Variants in PARD3B observed in about 807,000 individuals in gnomAD.
PARD3B encodes the protein par-3 family cell polarity regulator beta, also known as partitioning defective 3 homolog B.
Under a neutral mutation model 130.2 loss-of-function variants are expected in PARD3B, and 103 were observed. That is an observed-to-expected ratio of 0.79 (90% CI 0.67 to 0.93). PARD3B has a LOEUF of 0.93. Among genes scored for constraint, PARD3B ranks in the 40% least tolerant of loss-of-function variants. PARD3B has a pLI of 0.00. For missense variants in PARD3B, 1,609 were observed against 1,499.2 expected (o/e 1.07, Z -1.21); for synonymous variants, 583 against 553.2 (o/e 1.05, Z -0.76).
intron 3 of PARD3B, among the ~76,000 whole-genome samples, chr2:204,986,101 C>CAAAAAAAAAA (rs371839271): frequency 2.0e-5 from 1 of 51,240 alleles, no homozygotes. Context: ...ACTCTGTCTC[C>CAAAAAAAAAA]AAAAAAAAAA....
chr2:205,080,137 A>G (rs1701314140), intron 4 of PARD3B, among the ~76,000 whole-genome samples: 1 of 152,162 alleles, frequency 6.6e-6, no homozygotes, highest in Non-Finnish European at 1.5e-5. Context: ...CCCACAGGCA[A>G]CCCCTGATCA....
intron 2 of PARD3B, among the ~76,000 whole-genome samples, chr2:204,934,576 A>G (rs765087373): frequency 2.0e-5 from 3 of 152,224 alleles, no homozygotes; most frequent in African/African-American, 7.2e-5. Flanking sequence ...TATAGAATGT[A>G]TAGCTAGGCT....
intron 2 of PARD3B, among the ~76,000 whole-genome samples, chr2:204,743,116 G>T (rs1167120693): frequency 1.3e-5 from 2 of 152,058 alleles, no homozygotes; most frequent in East Asian, 3.9e-4. Context: ...TATCTTTAAT[G>T]TGTTAACTTC....
At chr2:205,600,473 G>C (rs1202910172) in intron 22 of PARD3B, among the ~76,000 whole-genome samples, 1 of 152,162 alleles carries the variant, frequency 6.6e-6, no homozygotes, top group Admixed American at 6.5e-5. Context: ...TGGTGGTGTT[G>C]TTGTTAACTC....
At chr2:204,929,636 G>A (rs1180411893) in intron 2 of PARD3B, among the ~76,000 whole-genome samples, 2 of 149,974 alleles carry the variant, frequency 1.3e-5, no homozygotes, top group African/African-American at 4.9e-5. Context: ...TTTTTTTTTG[G>A]TTTTATAGAT....
chr2:205,019,115 T>G (rs963567121), intron 3 of PARD3B, among the ~76,000 whole-genome samples: 2 of 152,146 alleles, frequency 1.3e-5, no homozygotes, highest in Non-Finnish European at 2.9e-5. Context: ...ACCCTGTACT[T>G]CTTAGCAATA....
chr2:204,837,530 C>T (rs984317925), intron 2 of PARD3B, among the ~76,000 whole-genome samples: 5 of 151,666 alleles, frequency 3.3e-5, no homozygotes, highest in Non-Finnish European at 5.9e-5. Flanking sequence ...AAGCAATTCT[C>T]CTGCCTTGGT....
chr2:205,176,402 A>G lies in PARD3B; in HGVS notation c.1792-43A>G. 6.4e-7 allele frequency: 1 copy of G among 1,551,866 alleles called. No homozygotes were observed. Among genetic ancestry groups the G allele is most frequent in the Non-Finnish European group, 8.7e-7 (1 of 1,145,156 alleles). On this transcript the variant is annotated intron_variant, in intron 12 of 22. Transcript: ENST00000406610. This position sits in a 1 kb window ranked among gnomAD's most constrained non-coding sequence, Gnocchi z 5.3. ...CTTTGCTTCAACTGACCAAGTTGGA[A>G]CATATTAAAAATGCAAATGTAATTT...
At chr2:205,505,247 G>A (rs998259718) in intron 21 of PARD3B, among the ~76,000 whole-genome samples, 10 of 151,970 alleles carry the variant, frequency 6.6e-5, no homozygotes, top group Non-Finnish European at 1.2e-4. Context: ...TTGTGGGGTG[G>A]GGGGAGTGGG....
At chr2:204,960,592 T>C (rs1270801076) in intron 2 of PARD3B, among the ~76,000 whole-genome samples, 1 of 149,648 alleles carries the variant, frequency 6.7e-6, no homozygotes, top group African/African-American at 2.5e-5. Flanking sequence ...TCTAAAAACA[T>C]GTGAAAAATC....
At position 205,253,570 on chromosome 2, in the gene PARD3B, G is replaced by C; in HGVS notation, c.2185+7748G>C. ...GCCTGGAGCCTCCCCTGCCTCCTCT[G>C]CCTCTTCAGAGCCCAGCAGAAAGAC... On this transcript the variant is annotated intron_variant, in intron 16 of 22. Coordinates refer to ENST00000406610, the MANE Select transcript of PARD3B (RefSeq NM_001302769.2). This position sits in a 1 kb window ranked among gnomAD's most constrained non-coding sequence, Gnocchi z 4.4. 1 of 469,866 alleles carries C rather than the reference G, an allele frequency of 2.1e-6. No individual in the cohort carries two copies. The highest frequency in any genetic ancestry group is 4.3e-6 in the Non-Finnish European group (1 of 231,534). 29.1% of individuals were successfully genotyped at this position (469,866 alleles called of 1,614,324 possible).
rs569323342 is a variant in PARD3B, at chr2:205,355,404, A to T, written c.2631-45609A>T. Among the ~76,000 whole-genome samples the T allele has an allele frequency of 2.0e-5, 3 of 152,366 alleles. No individual in the cohort carries two copies. The East Asian group carries it at 5.8e-4, about 29-fold the overall frequency. On this transcript the variant is annotated intron_variant, in intron 18 of 22. Coordinates refer to ENST00000406610, the MANE Select transcript of PARD3B (RefSeq NM_001302769.2). ...ACTGCAAAGGTAGTAACAGAAATGA[A>T]AAAATAAGCAAAAATGATAAGGCCA...
intron 2 of PARD3B, among the ~76,000 whole-genome samples, chr2:204,841,421 C>T (rs2044256577): frequency 6.6e-6 from 1 of 151,574 alleles, no homozygotes; most frequent in Non-Finnish European, 1.5e-5. Context: ...TAACAGTATG[C>T]CTTACTTTTC....
intron 1 of PARD3B, among the ~76,000 whole-genome samples, chr2:204,609,236 T>G (rs1045406344): frequency 6.6e-6 from 1 of 152,222 alleles, no homozygotes; most frequent in Non-Finnish European, 1.5e-5. Flanking sequence ...TTATTTTTTA[T>G]GAATCCCAAA....
chr2:205,165,020 A>C (rs1017783287), intron 11 of PARD3B, among the ~76,000 whole-genome samples: 3 of 152,184 alleles, frequency 2.0e-5, no homozygotes, highest in Non-Finnish European at 2.9e-5. Flanking sequence ...TGCCAAGTGC[A>C]TAAAAACCAC....
At chr2:205,307,753 T>C (rs1574656513) in intron 18 of PARD3B, among the ~76,000 whole-genome samples, 1 of 152,378 alleles carries the variant, frequency 6.6e-6, no homozygotes, top group Middle Eastern at 3.4e-3. Flanking sequence ...TCAATCCTTA[T>C]GTTACTTAAA....
rs2055410598 is a variant in PARD3B, at chr2:205,615,746, G to A, written c.3551G>A (p.Ser1184Asn). The A allele has an allele frequency of 1.9e-6, 3 of 1,614,116 alleles. No individual in the cohort carries two copies. The South Asian group carries it at 3.3e-5, about 18-fold the overall frequency. ...GGCAGACCAGGGCCCCGTGGGGGCA[G>A]CCCAGACCAGTACCCTTACCGAACC... ...ETGRPGPRGGSPDQYPYRTQD... is the reference protein window; with the variant it reads ...ETGRPGPRGGNPDQYPYRTQD... The change falls in exon 23 of 23, where the codon AGC becomes AAC. Residue 1184 changes from serine to asparagine, a missense_variant. By Grantham distance (46) the Ser-to-Asn change is conservative. Coordinates refer to ENST00000406610, the MANE Select transcript of PARD3B (RefSeq NM_001302769.2).
chr2:205,146,645 C>T lies in PARD3B; in HGVS notation c.1435-12077C>T, dbSNP rs916610746. Among the ~76,000 whole-genome samples, 8 of 151,204 alleles carry T rather than the reference C, an allele frequency of 5.3e-5. No homozygotes were observed. The highest frequency in any genetic ancestry group is 2.0e-4 in the East Asian group (1 of 5,124). ...CAGCCTGGGCGACAGAGCGAGACTC[C>T]GCCTCAAAAAAAAAAATTGTTACAT... On this transcript the variant is annotated intron_variant, in intron 10 of 22. Coordinates refer to ENST00000406610, the MANE Select transcript of PARD3B (RefSeq NM_001302769.2). The surrounding 1 kb of genome is among the most constrained non-coding windows in gnomAD (Gnocchi z 4.3).
At chr2:205,290,357 A>G (rs926974713) in intron 16 of PARD3B, among the ~76,000 whole-genome samples, 1 of 152,192 alleles carries the variant, frequency 6.6e-6, no homozygotes, top group Non-Finnish European at 1.5e-5. Flanking sequence ...TGAGGCAGCA[A>G]AGAAAATGGG....
Sources: allele counts gnomAD v4.1 joint callset (sites outside exome capture counted in the v4.1 genomes callset), GRCh38; gene constraint gnomAD v4.1.1; non-coding constraint Gnocchi (gnomAD v3.1); transcripts MANE v1.5; gene names NCBI Gene and HGNC (gene_info 2026-07-23, HGNC 2026-07-21).